The following IKZF4 variants were observed in gnomAD, a reference collection of about 807,000 sequenced individuals.
The protein encoded by IKZF4 is IKAROS family zinc finger 4.
In IKZF4, 11 loss-of-function variants were observed where a neutral mutation model predicts 47.7. The observed-to-expected ratio is 0.23, with a 90% CI of 0.15 to 0.38. The LOEUF (loss-of-function observed/expected upper bound fraction) is 0.38. Ranked by LOEUF, IKZF4 falls within the 10% of genes least tolerant of loss-of-function variation. The probability of loss-of-function intolerance (pLI) is 1.00; values close to 1 mark genes in which losing one functional copy is unlikely to be tolerated. For missense variants in IKZF4, 557 were observed against 784.9 expected (o/e 0.71, Z 3.47); for synonymous variants, 298 against 299.4 (o/e 1.00, Z 0.05).
intron 2 of IKZF4, 116 bp downstream of exon 2, chr12:56,023,880 C>T (rs900022139): frequency 3.6e-5 from 54 of 1,511,192 alleles, no homozygotes; most frequent in Middle Eastern, 4.1e-4. Context: ...TTTCTCTCTT[C>T]CATATTTAGG....
chr12:56,025,248 A>C, intron 3 of IKZF4, 90 bp downstream of exon 3: 2 of 1,338,500 alleles, frequency 1.5e-6, no homozygotes, highest in Non-Finnish European at 2.0e-6. Context: ...CCATTTCCCC[A>C]TCGTCACCTC....
At chr12:56,033,675 C>A (rs1277785629) in intron 7 of IKZF4, among the ~76,000 whole-genome samples, 1 of 151,918 alleles carries the variant, frequency 6.6e-6, no homozygotes, top group Non-Finnish European at 1.5e-5. Context: ...CCACTGCACT[C>A]CATCCATCCT....
intron 3 of IKZF4, among the ~76,000 whole-genome samples, chr12:56,025,611 G>C (rs1289269957): frequency 6.6e-6 from 1 of 152,094 alleles, no homozygotes; most frequent in Admixed American, 6.5e-5. Context: ...ATGTAGGTCG[G>C]AGCTAGAGCC....
rs1427216433 is a variant in IKZF4, at chr12:56,023,659, C to G, written c.88-12C>G. On this transcript the variant is annotated splice_polypyrimidine_tract_variant and intron_variant, in intron 1 of 7. Coordinates refer to ENST00000547167, the MANE Select transcript of IKZF4 (RefSeq NM_022465.4). ...AAGTCCTGAGTGGTTGTTTTCTTCC[C>G]ACTGACCAAAGCTGGAGAGGGATCC... 2 of 1,613,214 alleles carry G rather than the reference C, an allele frequency of 1.2e-6. No individual in the cohort carries two copies. The highest frequency in any genetic ancestry group is 1.7e-6 in the Non-Finnish European group (2 of 1,179,622).
At position 56,025,176 on chromosome 12, in the gene IKZF4, C is replaced by T. The variant is rs1893751318; in HGVS notation, c.286+18C>T. ...ACTCAGTGGTAAGTGTAACCTCCTACCACCTCCTGGCAGTAGGCACCCCCT... is the reference window on the plus strand; with the variant it reads ...ACTCAGTGGTAAGTGTAACCTCCTATCACCTCCTGGCAGTAGGCACCCCCT... On this transcript the variant is annotated intron_variant, in intron 3 of 7. Transcript: ENST00000547167. The T allele has an allele frequency of 6.5e-7, 1 of 1,537,156 alleles. No homozygotes were observed. The highest frequency in any genetic ancestry group is 8.7e-7 in the Non-Finnish European group (1 of 1,145,260).
upstream of IKZF4, chr12:56,020,775 C>A: frequency 5.0e-6 from 1 of 198,476 alleles, no homozygotes; most frequent in Non-Finnish European, 9.1e-6. Context: ...TGACACCAGA[C>A]TCTGCTGGGC....
At chr12:56,034,259 G>A (rs1380591527) in intron 7 of IKZF4, among the ~76,000 whole-genome samples, 2 of 152,180 alleles carry the variant, frequency 1.3e-5, no homozygotes, top group Admixed American at 6.5e-5. Flanking sequence ...CCCTTAGAGA[G>A]TCAGAGAGAG....
intron 6 of IKZF4, 67 bp downstream of exon 6, chr12:56,032,777 G>A: frequency 6.5e-7 from 1 of 1,546,238 alleles, no homozygotes; most frequent in South Asian, 1.1e-5. Flanking sequence ...AGACAAGGGT[G>A]ACTCCAGTAT....
chr12:56,030,869 C>T (rs1894818284), intron 5 of IKZF4, among the ~76,000 whole-genome samples: 1 of 152,154 alleles, frequency 6.6e-6, no homozygotes, highest in South Asian at 2.1e-4. Context: ...TAGTGTTCCA[C>T]AGCATAGTAG....
intron 2 of IKZF4, among the ~76,000 whole-genome samples, chr12:56,014,842 T>C (rs1379399467): frequency 6.6e-6 from 1 of 152,074 alleles, no homozygotes; most frequent in Non-Finnish European, 1.5e-5. Flanking sequence ...CATGAAGGCC[T>C]TGAGTAGCCT....
At chr12:56,019,415 G>GA, upstream of IKZF4, 1 of 978,242 alleles carries the variant, frequency 1.0e-6, no homozygotes, top group Non-Finnish European at 1.2e-6. Context: ...GGTAATGTAA[G>GA]GTAAGATGTT....
Position 56,036,609 on chromosome 12 carries a change from T to C in IKZF4, c.*1278T>C, listed in dbSNP as rs1895653658. ...CAGCATGAGCACGGGCACGTGCCCT[T>C]CACCCCATTCCACCCTTGTTCCAGC... On this transcript the variant is annotated 3_prime_UTR_variant, in exon 8 of 8. Coordinates refer to ENST00000547167, the MANE Select transcript of IKZF4 (RefSeq NM_022465.4). 1 of 152,228 alleles carries C rather than the reference T, an allele frequency of 6.6e-6. No homozygotes were observed. Among genetic ancestry groups the C allele is most frequent in the African/African-American group, 2.4e-5 (1 of 41,462 alleles). 9.4% of individuals were successfully genotyped at this position (152,228 alleles called of 1,614,324 possible). A position where few individuals can be genotyped will look rare whatever the true frequency, so the allele number is the denominator to read the frequency against.
At chr12:56,028,255 G>A (rs1400220390) in intron 5 of IKZF4, among the ~76,000 whole-genome samples, 1 of 152,034 alleles carries the variant, frequency 6.6e-6, no homozygotes, top group African/African-American at 2.4e-5. Flanking sequence ...GCCTGGCGCG[G>A]TGGCTCACGC....
At chr12:56,033,151 A>G in intron 6 of IKZF4, 39 bp from the exon 7 acceptor site, 1 of 1,608,858 alleles carries the variant, frequency 6.2e-7, no homozygotes, top group Non-Finnish European at 8.5e-7. Context: ...TGCTACCCCT[A>G]CTCAACTGCT....
intron 5 of IKZF4, among the ~76,000 whole-genome samples, chr12:56,030,128 G>A (rs981669804): frequency 1.3e-5 from 2 of 152,144 alleles, no homozygotes; most frequent in African/African-American, 2.4e-5. Flanking sequence ...ATAGAAGCAC[G>A]GAGTAGGTTG....
upstream of IKZF4, among the ~76,000 whole-genome samples, chr12:56,017,147 G>A (rs1298548243): frequency 1.3e-5 from 2 of 151,134 alleles, no homozygotes; most frequent in African/African-American, 4.9e-5. Context: ...CTCAGTTCCC[G>A]ATTGTTTAAT....
chr12:56,026,127 G>C (rs1171803848), intron 3 of IKZF4, among the ~76,000 whole-genome samples: 1 of 151,992 alleles, frequency 6.6e-6, no homozygotes, highest in Non-Finnish European at 1.5e-5. Context: ...GTAAAGACAG[G>C]GTTTCACCAT....
intron 2 of IKZF4, among the ~76,000 whole-genome samples, chr12:56,013,112 G>A (rs1222494622): frequency 1.3e-5 from 2 of 152,138 alleles, no homozygotes; most frequent in South Asian, 4.1e-4. Context: ...AACACTGATT[G>A]TTTCTAGTTG....
In IKZF4 at chr12:56,021,479, C is replaced by A. The variant is rs367725937; in HGVS notation, c.-15C>A. Reference sequence around the variant, plus strand: ...AGTGGCTGGGCTCACCCCTGCCTGCCACTGAGACGCAGACATGCATACACC... The same window carrying A: ...AGTGGCTGGGCTCACCCCTGCCTGCAACTGAGACGCAGACATGCATACACC... On this transcript the variant is annotated 5_prime_UTR_variant, in exon 1 of 8. Coordinates refer to ENST00000547167, the MANE Select transcript of IKZF4 (RefSeq NM_022465.4). The A allele has an allele frequency of 1.3e-6, 2 of 1,592,074 alleles. No homozygotes were observed. The highest frequency in any genetic ancestry group is 1.7e-6 in the Non-Finnish European group (2 of 1,170,644).
Sources: gnomAD v4.1 joint callset for allele counts (sites outside exome capture counted in the v4.1 genomes callset) on GRCh38, gnomAD v4.1.1 for gene constraint, MANE v1.5 for transcripts, NCBI Gene and HGNC (gene_info 2026-07-23, HGNC 2026-07-21) for gene names.